CDYL: variants seen among roughly 807,000 people sequenced by gnomAD.
CDYL encodes the protein chromodomain Y-like protein.
A neutral mutation model predicts 47.3 loss-of-function variants in CDYL; 8 were observed. The ratio of observed to expected loss-of-function variants is 0.17; its 90% CI spans 0.10 to 0.31. The LOEUF (loss-of-function observed/expected upper bound fraction) is 0.31, where lower values mean the gene tolerates loss of function less well. Ranked by LOEUF, CDYL falls within the 10% of genes least tolerant of loss-of-function variation. The pLI, the probability that CDYL is intolerant of heterozygous loss-of-function variation, is 1.00. For synonymous variants in CDYL, 266 were observed against 265.0 expected, an observed-to-expected ratio of 1.00 and a Z score of -0.04; for missense variants, 471 against 701.4, an observed-to-expected ratio of 0.67 and a Z score of 3.71.
intron 2 of CDYL, among the ~76,000 whole-genome samples, chr6:4,922,028 C>G (rs1195567662): frequency 6.6e-6 from 1 of 152,114 alleles, no homozygotes; most frequent in African/African-American, 2.4e-5. Context: ...GTGGTGGCAG[C>G]TGGGTATGAC....
At chr6:4,886,710 A>G (rs1290325381) in intron 1 of CDYL, among the ~76,000 whole-genome samples, 2 of 151,924 alleles carry the variant, frequency 1.3e-5, no homozygotes, top group African/African-American at 4.8e-5. Context: ...TTTAATTTTG[A>G]TATCTAGTTT....
chr6:4,912,326 G>A (rs1382247405), intron 2 of CDYL, among the ~76,000 whole-genome samples: 1 of 152,182 alleles, frequency 6.6e-6, no homozygotes, highest in African/African-American at 2.4e-5. Flanking sequence ...AGGATAACAC[G>A]GCCGCTTCTC....
intron 2 of CDYL, among the ~76,000 whole-genome samples, chr6:4,925,746 G>C (rs1757854743): frequency 6.6e-6 from 1 of 152,158 alleles, no homozygotes; most frequent in Non-Finnish European, 1.5e-5. Flanking sequence ...GAGTAGGTGA[G>C]AGTGGACGAG....
intron 1 of CDYL, among the ~76,000 whole-genome samples, chr6:4,867,777 T>TTG (rs1554103544): frequency 1.3e-5 from 2 of 151,406 alleles, no homozygotes; most frequent in African/African-American, 4.8e-5. Context: ...GTGGGGTTTT[T>TTG]TTTTTTTTTT....
intron 3 of CDYL, among the ~76,000 whole-genome samples, chr6:4,765,681 G>A (rs546981917): frequency 8.1e-4 from 123 of 151,156 alleles, no homozygotes; most frequent in African/African-American, 2.9e-3. Context: ...CTCTTGCCTC[G>A]GCCTCCCATG....
intron 2 of CDYL, among the ~76,000 whole-genome samples, chr6:4,719,372 T>C (rs915481970): frequency 6.6e-6 from 1 of 152,138 alleles, no homozygotes; most frequent in South Asian, 2.1e-4. Flanking sequence ...TAATACACAT[T>C]GTCCTTAAAT....
intron 2 of CDYL, among the ~76,000 whole-genome samples, chr6:4,930,135 A>G (rs9392642): frequency 0.69 from 104,241 of 152,052 alleles, 36,384 homozygotes; most frequent in Middle Eastern, 0.88. Flanking sequence ...TATTTGATGA[A>G]ATCTCTGCTC....
chr6:4,809,117 A>G (rs1306720211), intron 1 of CDYL, among the ~76,000 whole-genome samples: 2 of 151,988 alleles, frequency 1.3e-5, no homozygotes, highest in African/African-American at 4.8e-5. Flanking sequence ...TCTTTCATGT[A>G]TGTTTTGTGC....
chr6:4,897,782 A>G (rs1762324915), intron 2 of CDYL, among the ~76,000 whole-genome samples: 1 of 19,464 alleles, frequency 5.1e-5, no homozygotes. Flanking sequence ...TAGGTTTTGA[A>G]GGTTTTTGTT....
chr6:4,937,692 C>G lies in CDYL; in HGVS notation c.1076C>G (p.Thr359Arg). Residue 359 changes from threonine to arginine, a missense_variant, in exon 4 of 7, where the codon ACA becomes AGA. Around this residue, in one of 3 missense-constraint regions of CDYL, gnomAD observed 103 missense variants for 277.1 expected, o/e 0.37. Coordinates refer to ENST00000397588, the MANE Select transcript of CDYL (RefSeq NM_004824.4). ...TTTATTTATTTTATACGACGTCTGA[C>G]AGATGACAGGAAAAGAGAAAGCACT... Reference protein sequence around the residue: ...LDFIYFIRRLTDDRKRESTKM... With the variant: ...LDFIYFIRRLRDDRKRESTKM... The G allele has an allele frequency of 6.2e-7, 1 of 1,613,336 alleles. No individual in the cohort carries two copies. Among genetic ancestry groups the G allele is most frequent in the Non-Finnish European group, 8.5e-7 (1 of 1,179,770 alleles).
intron 3 of CDYL, among the ~76,000 whole-genome samples, chr6:4,737,746 C>T (rs1315231994): frequency 2.6e-5 from 4 of 152,204 alleles, no homozygotes; most frequent in African/African-American, 7.2e-5. Context: ...AGGATGGTCT[C>T]GATCTCTTGA....
At chr6:4,744,273 G>T (rs1468926693) in intron 3 of CDYL, among the ~76,000 whole-genome samples, 4 of 152,182 alleles carry the variant, frequency 2.6e-5, no homozygotes, top group Non-Finnish European at 5.9e-5. Flanking sequence ...TGGGAGGACT[G>T]CTTGAGGCCA....
intron 1 of CDYL, among the ~76,000 whole-genome samples, chr6:4,814,647 T>A (rs1189310721): frequency 3.3e-5 from 5 of 152,110 alleles, no homozygotes; most frequent in Non-Finnish European, 7.4e-5. Context: ...TGCCCCAGCC[T>A]CCCTGGTAGC....
intron 2 of CDYL, among the ~76,000 whole-genome samples, chr6:4,909,619 G>A (rs913034776): frequency 6.6e-6 from 1 of 152,056 alleles, no homozygotes; most frequent in African/African-American, 2.4e-5. Flanking sequence ...GCCCAAGCTG[G>A]AGTGCAGTAG....
chr6:4,738,852 G>A (rs534977817), intron 3 of CDYL, among the ~76,000 whole-genome samples: 8 of 152,298 alleles, frequency 5.3e-5, no homozygotes, highest in South Asian at 4.1e-4. Flanking sequence ...TATACGTAGC[G>A]ACATCAAGGA....
intron 3 of CDYL, among the ~76,000 whole-genome samples, chr6:4,754,712 T>C (rs1345493680): frequency 2.0e-5 from 3 of 152,230 alleles, no homozygotes; most frequent in African/African-American, 7.2e-5. Flanking sequence ...ATATGCCTAT[T>C]ACAGACCCTT....
chr6:4,877,256 A>G (rs1038713972), intron 1 of CDYL, among the ~76,000 whole-genome samples: 8 of 151,844 alleles, frequency 5.3e-5, no homozygotes, highest in African/African-American at 1.9e-4. Context: ...ATCTTTCAAC[A>G]TTTTTTTTCT....
chr6:4,717,703 C>CAAAAAAAAAA (rs200835710), intron 2 of CDYL, among the ~76,000 whole-genome samples: 13 of 49,346 alleles, frequency 2.6e-4, no homozygotes, highest in African/African-American at 9.3e-4. Context: ...AAGACCCTCA[C>CAAAAAAAAAA]AAAAAAAAAA....
intron 2 of CDYL, among the ~76,000 whole-genome samples, chr6:4,731,324 C>G (rs1208297457): frequency 6.6e-6 from 1 of 152,132 alleles, no homozygotes; most frequent in Non-Finnish European, 1.5e-5. Flanking sequence ...AGACATAAAT[C>G]CTTCTTACAG....
Sources: allele counts gnomAD v4.1 joint callset (sites outside exome capture counted in the v4.1 genomes callset), GRCh38; gene constraint gnomAD v4.1.1; regional missense constraint gnomAD v4.1.1; transcripts MANE v1.5; gene names NCBI Gene and HGNC (gene_info 2026-07-23, HGNC 2026-07-21).